CDH4: variants seen among roughly 807,000 people sequenced by gnomAD.
CDH4 encodes cadherin 4.
In CDH4, 33 loss-of-function variants were observed where a neutral mutation model predicts 86.0. That is an observed-to-expected ratio of 0.38 (90% CI 0.29 to 0.51). CDH4 has a LOEUF of 0.51. Among genes scored for constraint, CDH4 ranks in the 20% least tolerant of loss-of-function variants. The probability of loss-of-function intolerance (pLI) is 0.86; values close to 1 mark genes in which losing one functional copy is unlikely to be tolerated. For missense variants in CDH4, 1,114 were observed against 1,307.4 expected (o/e 0.85, Z 2.28); for synonymous variants, 555 against 549.4 (o/e 1.01, Z -0.14).
At chr20:61,353,688 C>CTTCCCT (rs2084729138) in intron 2 of CDH4, among the ~76,000 whole-genome samples, 2 of 39,888 alleles carry the variant, frequency 5.0e-5, no homozygotes, top group Non-Finnish European at 4.9e-5. Context: ...TCCTCCCCCT[C>CTTCCCT]CTCCTCCCCT....
chr20:61,320,377 A>G (rs1222152003), intron 2 of CDH4, among the ~76,000 whole-genome samples: 2 of 152,146 alleles, frequency 1.3e-5, no homozygotes, highest in African/African-American at 4.8e-5. Context: ...GGGGGCTCAC[A>G]GCCTGGTGGG....
chr20:61,794,296 A>G (rs1003678908), intron 4 of CDH4, among the ~76,000 whole-genome samples: 1 of 152,098 alleles, frequency 6.6e-6, no homozygotes, highest in Admixed American at 6.6e-5. Context: ...AAGTGAACCA[A>G]TGAAGGGGAG....
At chr20:61,612,549 C>G (rs1393079299) in intron 2 of CDH4, among the ~76,000 whole-genome samples, 1 of 152,110 alleles carries the variant, frequency 6.6e-6, no homozygotes, top group East Asian at 1.9e-4. Context: ...GGACAGCTGT[C>G]CACATGGTCA....
intron 8 of CDH4, among the ~76,000 whole-genome samples, chr20:61,910,175 G>A (rs2054833785): frequency 6.6e-6 from 1 of 152,052 alleles, no homozygotes; most frequent in African/African-American, 2.4e-5. Context: ...CACTCCTTGA[G>A]CTGGGCTGAC....
intron 2 of CDH4, among the ~76,000 whole-genome samples, chr20:61,736,828 A>G (rs1329690307): frequency 1.3e-5 from 2 of 152,148 alleles, no homozygotes; most frequent in Non-Finnish European, 2.9e-5. Flanking sequence ...AACTCCATCC[A>G]CAACACAACC....
At chr20:61,869,268 C>T (rs2146141913) in intron 6 of CDH4, among the ~76,000 whole-genome samples, 1 of 152,298 alleles carries the variant, frequency 6.6e-6, no homozygotes, top group African/African-American at 2.4e-5. Context: ...CAGAGGTCAG[C>T]AAACCACCGG....
At chr20:61,848,257 C>T (rs947963566) in intron 5 of CDH4, among the ~76,000 whole-genome samples, 6 of 152,246 alleles carry the variant, frequency 3.9e-5, no homozygotes, top group Non-Finnish European at 5.9e-5. Context: ...GATGAGGGAG[C>T]CCAGGGCGGT....
intron 6 of CDH4, among the ~76,000 whole-genome samples, chr20:61,866,732 G>A (rs1021352194): frequency 1.3e-5 from 2 of 152,238 alleles, no homozygotes; most frequent in African/African-American, 4.8e-5. Context: ...TTCCCGGTGA[G>A]CGTGTGCTAG....
rs373429885 is a variant in CDH4 at position 61,554,733 on chromosome 20, A to G, written c.170-188830A>G. On this transcript the variant is annotated intron_variant, in intron 2 of 15. Coordinates refer to ENST00000614565, the MANE Select transcript of CDH4 (RefSeq NM_001794.5). ...TGTGGGTGTTCCTGTGTGTACACAC[A>G]TGTACATGTACATGCATGAACATAT... is the stretch of plus-strand genomic sequence containing the variant. 6.6e-5 allele frequency among the ~76,000 whole-genome samples: 10 copies of G among 152,384 alleles called. No individual in the cohort carries two copies. In the East Asian group the frequency reaches 1.7e-3, roughly 26 times the overall value.
chr20:61,602,042 T>C (rs1014778614), intron 2 of CDH4, among the ~76,000 whole-genome samples: 1 of 152,098 alleles, frequency 6.6e-6, no homozygotes, highest in Non-Finnish European at 1.5e-5. Flanking sequence ...AGCGTTTGAC[T>C]CCCAAGAATG....
intron 2 of CDH4, among the ~76,000 whole-genome samples, chr20:61,498,402 A>G (rs1365791404): frequency 6.6e-6 from 1 of 152,244 alleles, no homozygotes; most frequent in Non-Finnish European, 1.5e-5. Flanking sequence ...TGATAGTGTA[A>G]TCGATAATGC....
rs532425854 is a variant in CDH4 at position 61,518,470 on chromosome 20, A to G, written c.170-225093A>G. On this transcript the variant is annotated intron_variant, in intron 2 of 15. Coordinates refer to ENST00000614565, the MANE Select transcript of CDH4 (RefSeq NM_001794.5). This position sits in a 1 kb window ranked among gnomAD's most constrained non-coding sequence, Gnocchi z 6.3. ...ATCATCCGTCATCCACCCATCGTCC[A>G]TCCATCCATCCTTCCATCATTGATT... is the stretch of plus-strand genomic sequence containing the variant. Among the ~76,000 whole-genome samples the G allele has an allele frequency of 3.3e-5, 5 of 151,234 alleles. No individual in the cohort carries two copies. Among genetic ancestry groups the G allele is most frequent in the African/African-American group, 1.2e-4 (5 of 40,738 alleles).
rs747708961 is a variant in CDH4 at position 61,480,939 on chromosome 20, T to C, written c.169+226002T>C. ...ATTATACAACTCGGATGCTACTGTT[T>C]ATAAAGTGTGTCCACGTTGATGATT... On this transcript the variant is annotated intron_variant, in intron 2 of 15. Transcript: ENST00000614565. This position sits in a 1 kb window ranked among gnomAD's most constrained non-coding sequence, Gnocchi z 5.2. Among the ~76,000 whole-genome samples the C allele has an allele frequency of 6.6e-6, 1 of 152,218 alleles. No individual in the cohort carries two copies. Among genetic ancestry groups the C allele is most frequent in the Non-Finnish European group, 1.5e-5 (1 of 68,040 alleles).
intron 2 of CDH4, among the ~76,000 whole-genome samples, chr20:61,292,654 G>A (rs1449563202): frequency 6.6e-6 from 1 of 152,272 alleles, no homozygotes; most frequent in Non-Finnish European, 1.5e-5. Flanking sequence ...ACTGAGCCTT[G>A]GAAGTGCGGC....
rs753537792 is a variant in CDH4, at chr20:61,923,713, A to C, written c.1628+9A>C. 3.1e-6 allele frequency: 5 copies of C among 1,612,300 alleles called. No homozygotes were observed. The South Asian group carries it at 4.4e-5, about 14-fold the overall frequency. ...ATGCAGCAGGCTGTGAGGTGGGTGC[A>C]CAGGACATGCCTCGTCCCTGCCTGC... On this transcript the variant is annotated intron_variant, in intron 10 of 15. Transcript: ENST00000614565.
chr20:61,522,704 TGCGGGCTGTTGTCTTCCGCGGAAATGGCC>T (rs367787741), intron 2 of CDH4, among the ~76,000 whole-genome samples: 12,744 of 152,196 alleles, frequency 0.084, 635 homozygotes, highest in Non-Finnish European at 0.12. Flanking sequence ...TTCACCCGGC[TGCGGGCTGTTGTCTTCCGCGGAAATGGCC>T]GCGGGCTGTT....
At chr20:61,749,726 G>A (rs2088465204) in intron 3 of CDH4, among the ~76,000 whole-genome samples, 1 of 152,212 alleles carries the variant, frequency 6.6e-6, no homozygotes, top group Non-Finnish European at 1.5e-5. Flanking sequence ...ATGCCCAGAT[G>A]GAAATGTTTA....
chr20:61,343,765 G>A (rs888670294), intron 2 of CDH4, among the ~76,000 whole-genome samples: 5 of 152,180 alleles, frequency 3.3e-5, no homozygotes, highest in South Asian at 4.1e-4. Context: ...CACTTTTCCC[G>A]GCTCATATTA....
chr20:61,362,648 G>A (rs1442727316), intron 2 of CDH4, among the ~76,000 whole-genome samples: 1 of 152,256 alleles, frequency 6.6e-6, no homozygotes, highest in African/African-American at 2.4e-5. Flanking sequence ...CAGGATGGGG[G>A]AGCAAAGGGG....
Sources: gnomAD v4.1 joint callset for allele counts (sites outside exome capture counted in the v4.1 genomes callset) on GRCh38, gnomAD v4.1.1 for gene constraint, Gnocchi (gnomAD v3.1) non-coding constraint, MANE v1.5 for transcripts, NCBI Gene and HGNC (gene_info 2026-07-23, HGNC 2026-07-21) for gene names.